Variants in DNAH8 observed in about 807,000 individuals in gnomAD.
DNAH8 encodes the protein dynein axonemal heavy chain 8.
DNAH8 carries 382 observed loss-of-function variants against 562.1 expected under a neutral mutation model. The ratio of observed to expected loss-of-function variants is 0.68; its 90% CI spans 0.63 to 0.74. The LOEUF (loss-of-function observed/expected upper bound fraction) is 0.74. DNAH8 is among the 30% of genes least tolerant of loss of function. The pLI, the probability that DNAH8 is intolerant of heterozygous loss-of-function variation, is 0.00. For missense variants in DNAH8, 5,203 were observed against 5,620.4 expected (o/e 0.93, Z 2.37); for synonymous variants, 1,881 against 1,919.4 (o/e 0.98, Z 0.52).
At chr6:38,984,513 C>G in intron 87 of DNAH8, 1 of 539,230 alleles carries the variant, frequency 1.9e-6, no homozygotes, top group Non-Finnish European at 3.3e-6. Context: ...AGCAATTGGG[C>G]CAGGCATGGT....
chr6:38,914,627 G>C (rs1169093472), intron 67 of DNAH8, among the ~76,000 whole-genome samples: 1 of 151,968 alleles, frequency 6.6e-6, no homozygotes, highest in Non-Finnish European at 1.5e-5. Context: ...TGGGATTACA[G>C]GCATGAGCCA....
intron 7 of DNAH8, among the ~76,000 whole-genome samples, chr6:38,739,012 G>A (rs1347268269): frequency 1.3e-5 from 2 of 152,108 alleles, no homozygotes; most frequent in Non-Finnish European, 2.9e-5. Context: ...TTGAGGTTGA[G>A]CATATTTAAT....
chr6:38,942,593 G>C (rs1164359743), intron 79 of DNAH8, among the ~76,000 whole-genome samples: 2 of 152,226 alleles, frequency 1.3e-5, no homozygotes, highest in Non-Finnish European at 2.9e-5. Flanking sequence ...GCACACAGCA[G>C]AGACTAGAGG....
intron 49 of DNAH8, among the ~76,000 whole-genome samples, chr6:38,871,418 T>C (rs1419288401): frequency 6.6e-6 from 1 of 152,204 alleles, no homozygotes; most frequent in Non-Finnish European, 1.5e-5. Flanking sequence ...GCATACAGTA[T>C]ACTGAGTTTT....
At chr6:38,825,676 C>T (rs890173874) in intron 28 of DNAH8, among the ~76,000 whole-genome samples, 5 of 152,118 alleles carry the variant, frequency 3.3e-5, no homozygotes, top group African/African-American at 1.2e-4. Context: ...GGACAACTGG[C>T]TAGGTCCAGG....
At chr6:38,734,679 A>G in intron 5 of DNAH8, 54 bp downstream of exon 5, 1 of 1,579,858 alleles carries the variant, frequency 6.3e-7, no homozygotes, top group Non-Finnish European at 8.6e-7. Context: ...ATATTTTTGT[A>G]GTCACACTTA....
intron 48 of DNAH8, 128 bp from the exon 49 acceptor site, chr6:38,870,273 C>A: frequency 2.5e-6 from 2 of 802,286 alleles, no homozygotes; most frequent in Non-Finnish European, 3.9e-6. Context: ...CTAGAGAATA[C>A]AAGCCTGATT....
chr6:38,754,156 A>G (rs1222888514), intron 9 of DNAH8, among the ~76,000 whole-genome samples: 1 of 152,118 alleles, frequency 6.6e-6, no homozygotes, highest in African/African-American at 2.4e-5. Context: ...TTGACATATG[A>G]GATATCTGAG....
intron 21 of DNAH8, among the ~76,000 whole-genome samples, chr6:38,800,507 T>C (rs1231334963): frequency 1.3e-5 from 2 of 152,108 alleles, no homozygotes; most frequent in African/African-American, 4.8e-5. Context: ...ATGTTGAGCA[T>C]CTTTCATGTG....
chr6:38,959,475 T>C (rs983611662), intron 82 of DNAH8, among the ~76,000 whole-genome samples: 8 of 152,180 alleles, frequency 5.3e-5, no homozygotes, highest in East Asian at 3.9e-4. Flanking sequence ...TATGCCGACA[T>C]TGAACTATCT....
rs1583304371 is a variant in DNAH8, at chr6:38,899,644, C to G, written c.9064-132C>G. The G allele has an allele frequency of 7.6e-6, 7 of 924,280 alleles. No individual in the cohort carries two copies. In the East Asian group the frequency reaches 1.9e-4, roughly 26 times the overall value. 57.3% of individuals were successfully genotyped at this position (924,280 alleles called of 1,614,324 possible). A position where few individuals can be genotyped will look rare whatever the true frequency, so the allele number is the denominator to read the frequency against. Reference sequence around the variant, plus strand: ...TAAACTTTAATTTTAAAAATTCTGTCATAGACCATTAACGAGGAAAAAGTC... The same window carrying G: ...TAAACTTTAATTTTAAAAATTCTGTGATAGACCATTAACGAGGAAAAAGTC... On this transcript the variant is annotated intron_variant, in intron 61 of 92. Coordinates refer to ENST00000327475, the MANE Select transcript of DNAH8 (RefSeq NM_001206927.2).
At chr6:39,026,516 G>C (rs988008056) in intron 91 of DNAH8, 30 bp from the exon 92 acceptor site, 20 of 1,589,672 alleles carry the variant, frequency 1.3e-5, no homozygotes, top group East Asian at 2.2e-5. Flanking sequence ...TTGCAACAAG[G>C]CTTCAACATC....
intron 66 of DNAH8, 41 bp downstream of exon 66, chr6:38,911,627 GTTTA>G: frequency 7.5e-7 from 1 of 1,331,544 alleles, no homozygotes; most frequent in Non-Finnish European, 1.1e-6. Flanking sequence ...TAGAAATAGG[GTTTA>G]TTTGATAGGG....
chr6:38,752,152 C>T (rs1425573388), intron 9 of DNAH8, among the ~76,000 whole-genome samples: 1 of 151,230 alleles, frequency 6.6e-6, no homozygotes, highest in Non-Finnish European at 1.5e-5. Flanking sequence ...AATGCTTCCT[C>T]TTTCCTTCCT....
intron 6 of DNAH8, among the ~76,000 whole-genome samples, 156 bp downstream of exon 6, chr6:38,737,412 G>A (rs928401382): frequency 6.6e-6 from 1 of 152,080 alleles, no homozygotes; most frequent in African/African-American, 2.4e-5. Context: ...ACTCATTTTT[G>A]AGGATCTTTG....
rs371033784 is a variant in DNAH8 at position 38,873,220 on chromosome 6, T to C, written c.7480-16T>C. On this transcript the variant is annotated splice_polypyrimidine_tract_variant and intron_variant, in intron 51 of 92. Coordinates refer to ENST00000327475, the MANE Select transcript of DNAH8 (RefSeq NM_001206927.2). ...TCACTTTCTCAATAAACACAGATTC[T>C]GTTTCTTTGTTGCAGGCATGGTTGA... 5.0e-6 allele frequency: 8 copies of C among 1,612,576 alleles called. No individual in the cohort carries two copies. Among genetic ancestry groups the C allele is most frequent in the African/African-American group, 2.7e-5 (2 of 74,822 alleles).
intron 31 of DNAH8, among the ~76,000 whole-genome samples, chr6:38,834,374 C>T (rs1264464653): frequency 6.6e-6 from 1 of 152,092 alleles, no homozygotes; most frequent in Admixed American, 6.5e-5. Flanking sequence ...GACTTGTACA[C>T]TTTAAATGAA....
At chr6:38,787,006 AATATGT>A in intron 18 of DNAH8, 54 bp downstream of exon 18, 1 of 1,181,726 alleles carries the variant, frequency 8.5e-7, no homozygotes, top group Non-Finnish European at 1.2e-6. Context: ...TGGTAAAAAA[AATATGT>A]ATATATATAT....
chr6:38,772,685 A>T (rs1172127117), intron 12 of DNAH8, among the ~76,000 whole-genome samples: 1 of 152,072 alleles, frequency 6.6e-6, no homozygotes, highest in Non-Finnish European at 1.5e-5. Flanking sequence ...CCTTTGAAGT[A>T]CGATAGTTTT....
Sources: allele counts gnomAD v4.1 joint callset (sites outside exome capture counted in the v4.1 genomes callset), GRCh38; gene constraint gnomAD v4.1.1; transcripts MANE v1.5; gene names NCBI Gene and HGNC (gene_info 2026-07-23, HGNC 2026-07-21).